Variants in CARD14 observed in about 807,000 individuals in gnomAD.
CARD14 encodes the protein caspase recruitment domain-containing protein 14.
CARD14 carries 107 observed loss-of-function variants against 111.5 expected under a neutral mutation model. The ratio of observed to expected loss-of-function variants is 0.96; its 90% CI spans 0.82 to 1.13. CARD14 has a LOEUF of 1.13. Among genes scored for constraint, CARD14 ranks in the 50% most tolerant of loss-of-function variants. The probability of loss-of-function intolerance (pLI) is 0.00; values close to 1 mark genes in which losing one functional copy is unlikely to be tolerated. For synonymous variants in CARD14, 617 were observed against 579.6 expected, an observed-to-expected ratio of 1.06 and a Z score of -0.93; for missense variants, 1,322 against 1,362.3, an observed-to-expected ratio of 0.97 and a Z score of 0.47.
At chr17:80,172,291 A>G (rs1188139481) in intron 1 of CARD14, among the ~76,000 whole-genome samples, 2 of 152,196 alleles carry the variant, frequency 1.3e-5, no homozygotes, top group African/African-American at 4.8e-5. Context: ...CCGAATGCCT[A>G]TTGAAGTAGA....
rs2040967399 is a variant in CARD14 at position 80,201,420 on chromosome 17, A to C, written c.1852-324A>C. 3.2e-6 allele frequency: 1 copy of C among 315,324 alleles called. No homozygotes were observed. Among genetic ancestry groups the C allele is most frequent in the East Asian group, 9.6e-5 (1 of 10,458 alleles). 19.5% of individuals were successfully genotyped at this position (315,324 alleles called of 1,614,324 possible). ...GAAACCTCTATCTAGAATGCTCTTGAATGTTCTAGAACCGAGGTTCTTTCT... is the reference window on the plus strand; with the variant it reads ...GAAACCTCTATCTAGAATGCTCTTGCATGTTCTAGAACCGAGGTTCTTTCT... On this transcript the variant is annotated intron_variant, in intron 16 of 23. Transcript: ENST00000648509. The surrounding 1 kb of genome is among the most constrained non-coding windows in gnomAD (Gnocchi z 5.0).
At chr17:80,183,828 C>CCACATGCT in intron 6 of CARD14, 85 bp from the exon 7 acceptor site, 2 of 1,140,436 alleles carry the variant, frequency 1.8e-6, no homozygotes, top group African/African-American at 3.2e-5. Context: ...GCTCACCTGC[C>CCACATGCT]CACCTGCTCA....
Position 80,181,657 on chromosome 17 carries a change from C to T in CARD14, c.211+8C>T. On this transcript the variant is annotated splice_region_variant and intron_variant, in intron 5 of 23. Coordinates refer to ENST00000648509, the MANE Select transcript of CARD14 (RefSeq NM_001366385.1). ...ACAGCGCCATGCGGGCCGGTGAGCG[C>T]AGCTCCCTCTTCCCCACCTCTTCCA... is the stretch of plus-strand genomic sequence containing the variant. 1 of 1,537,760 alleles carries T rather than the reference C, an allele frequency of 6.5e-7. No homozygotes were observed. The highest frequency in any genetic ancestry group is 8.8e-7 in the Non-Finnish European group (1 of 1,141,880).
In CARD14 at chr17:80,205,095, G is replaced by A. The variant is rs147954634; in HGVS notation, c.2459G>A (p.Arg820Gln). 20 of 1,613,302 alleles carry A rather than the reference G, an allele frequency of 1.2e-5. No homozygotes were observed. The highest frequency in any genetic ancestry group is 2.2e-5 in the South Asian group (2 of 91,048). ...CLTLVPYTLV[R>Q]PHRPARPRPV... ...ACCCTGGTGCCCTATACCCTGGTGCGGCCCCATCGACCCGCCCGGCCCCGG... is the reference window on the plus strand; with the variant it reads ...ACCCTGGTGCCCTATACCCTGGTGCAGCCCCATCGACCCGCCCGGCCCCGG... Residue 820 changes from arginine to glutamine, a missense_variant, in exon 21 of 24, where the codon CGG (arginine) becomes CAG (glutamine). Coordinates refer to ENST00000648509, the MANE Select transcript of CARD14 (RefSeq NM_001366385.1).
chr17:80,206,283 A>G (rs1490562989), intron 22 of CARD14, among the ~76,000 whole-genome samples: 1 of 152,192 alleles, frequency 6.6e-6, no homozygotes, highest in Non-Finnish European at 1.5e-5. Context: ...TGAGCAACAC[A>G]GTGAGACCCG....
chr17:80,173,601 G>A (rs913484400), intron 2 of CARD14, among the ~76,000 whole-genome samples: 4 of 150,120 alleles, frequency 2.7e-5, no homozygotes, highest in Middle Eastern at 3.5e-3. Context: ...ATCCAGATTC[G>A]GCATTTTTTT....
chr17:80,171,421 C>T (rs987738175), intron 1 of CARD14, among the ~76,000 whole-genome samples: 1 of 150,344 alleles, frequency 6.7e-6, no homozygotes, highest in African/African-American at 2.5e-5. Context: ...TGAGCTCAAG[C>T]AATCCTCCTG....
At chr17:80,175,647 C>T (rs374153556) in intron 2 of CARD14, among the ~76,000 whole-genome samples, 6 of 152,286 alleles carry the variant, frequency 3.9e-5, no homozygotes, top group South Asian at 4.1e-4. Flanking sequence ...GCCCAGAGCA[C>T]GTGCTCCTGC....
intron 9 of CARD14, 129 bp from the exon 10 acceptor site, chr17:80,190,645 G>T: frequency 2.1e-6 from 2 of 933,930 alleles, no homozygotes; most frequent in Non-Finnish European, 3.1e-6. Context: ...AGAGAGACGA[G>T]TGAGAATTGA....
chr17:80,203,959 G>A lies in CARD14; in HGVS notation c.2283+74G>A. The A allele has an allele frequency of 1.6e-6, 2 of 1,259,210 alleles. No individual in the cohort carries two copies. Among genetic ancestry groups the A allele is most frequent in the Non-Finnish European group, 2.2e-6 (2 of 892,012 alleles). The allele number at this position is 1,259,210 out of a possible 1,614,324, so 78.0% of individuals were successfully genotyped here. Reference sequence around the variant, plus strand: ...GGGGCTCGGTGCTGGCAGGGTGGCAGGAGGCACTGTGTGGAGAGTGGGCTG... The same window carrying A: ...GGGGCTCGGTGCTGGCAGGGTGGCAAGAGGCACTGTGTGGAGAGTGGGCTG... On this transcript the variant is annotated intron_variant, in intron 19 of 23. Transcript: ENST00000648509. The surrounding 1 kb of genome is among the most constrained non-coding windows in gnomAD (Gnocchi z 4.6).
At chr17:80,192,447 G>T in intron 11 of CARD14, 56 bp from the exon 12 acceptor site, 1 of 1,356,222 alleles carries the variant, frequency 7.4e-7, no homozygotes, top group Admixed American at 1.7e-5. Context: ...AACTCCACGG[G>T]CCTCAAAGCG....
In CARD14 at chr17:80,195,662, C is replaced by G. The variant is rs758274759; in HGVS notation, c.1594+10C>G. 6.2e-7 allele frequency: 1 copy of G among 1,607,608 alleles called. No homozygotes were observed. Among genetic ancestry groups the G allele is most frequent in the South Asian group, 1.1e-5 (1 of 90,138 alleles). On this transcript the variant is annotated intron_variant, in intron 14 of 23. Coordinates refer to ENST00000648509, the MANE Select transcript of CARD14 (RefSeq NM_001366385.1). This position sits in a 1 kb window ranked among gnomAD's most constrained non-coding sequence, Gnocchi z 4.7. ...CTCCTAGACACGGCAGGTGAGCACG[C>G]CCAACCCTGAACCTCCACAGCAGTC... is the stretch of plus-strand genomic sequence containing the variant.
At chr17:80,171,681 G>T (rs1483721702) in intron 1 of CARD14, among the ~76,000 whole-genome samples, 1 of 152,170 alleles carries the variant, frequency 6.6e-6, no homozygotes, top group Non-Finnish European at 1.5e-5. Context: ...GTGTGGCTCT[G>T]GGGGCTCCAG....
chr17:80,192,480 C>T, intron 11 of CARD14, 23 bp from the exon 12 acceptor site: 2 of 1,590,106 alleles, frequency 1.3e-6, no homozygotes, highest in African/African-American at 1.3e-5. Context: ...AATTAACCAG[C>T]CTGTCTGGCC....
intron 11 of CARD14, among the ~76,000 whole-genome samples, chr17:80,191,682 G>A (rs996577442): frequency 6.6e-6 from 1 of 152,216 alleles, no homozygotes; most frequent in Non-Finnish European, 1.5e-5. Context: ...GTGAAACCTC[G>A]AAGGTGCCCA....
chr17:80,184,240 TA>T lies in CARD14; in HGVS notation c.675+3del, dbSNP rs1257066959. 1 of 1,517,948 alleles carries T rather than the reference TA, an allele frequency of 6.6e-7. No individual in the cohort carries two copies. Among genetic ancestry groups the T allele is most frequent in the Non-Finnish European group, 8.9e-7 (1 of 1,128,144 alleles). The allele number at this position is 1,517,948 out of a possible 1,614,324, so 94.0% of individuals were successfully genotyped here. A position where few individuals can be genotyped will look rare whatever the true frequency, so the allele number is the denominator to read the frequency against. On this transcript the variant is annotated splice_donor_region_variant and intron_variant, in intron 7 of 23. Coordinates refer to ENST00000648509, the MANE Select transcript of CARD14 (RefSeq NM_001366385.1). ...CGCTGCCGCAGCCTGCAGGAGGAGG[TA>T]GGGGGACACCCTGCACCCCGGCGCG...
intron 7 of CARD14, chr17:80,187,935 C>T (rs1358605454): frequency 1.0e-6 from 1 of 986,040 alleles, no homozygotes; most frequent in African/African-American, 1.7e-5. Context: ...CACGTCTACC[C>T]CTCCGACCTG....
In CARD14 at chr17:80,188,585, T is replaced by C. The variant is rs569395465; in HGVS notation, c.843+41T>C. The C allele has an allele frequency of 2.1e-6, 3 of 1,419,100 alleles. No homozygotes were observed. The highest frequency in any genetic ancestry group is 2.8e-6 in the Non-Finnish European group (3 of 1,081,618). The allele number at this position is 1,419,100 out of a possible 1,614,324, so 87.9% of individuals were successfully genotyped here. A position where few individuals can be genotyped will look rare whatever the true frequency, so the allele number is the denominator to read the frequency against. On this transcript the variant is annotated intron_variant, in intron 8 of 23. Coordinates refer to ENST00000648509, the MANE Select transcript of CARD14 (RefSeq NM_001366385.1). The surrounding 1 kb of genome is among the most constrained non-coding windows in gnomAD (Gnocchi z 4.5). ...CGCAGCAGAGAGCGGCCTCCTGCCT[T>C]GGGGGCTTGGCCCTCAGGCTGTGGG...
Position 80,199,606 on chromosome 17 carries a change from C to T in CARD14, c.1851+1015C>T, listed in dbSNP as rs186610212. Among the ~76,000 whole-genome samples the T allele has an allele frequency of 8.6e-3, 1,183 of 137,872 alleles. 13 individuals are homozygous for T. Among genetic ancestry groups the T allele is most frequent in the African/African-American group, 0.03 (1,112 of 36,780 alleles). 90.4% of individuals were successfully genotyped at this position (137,872 alleles called of 152,430 possible). A position where few individuals can be genotyped will look rare whatever the true frequency, so the allele number is the denominator to read the frequency against. ...AGAAAAGAAAAAAAAAGGCCAGGCA[C>T]GGTGGCTTATGCCTGTAATCCCAGC... On this transcript the variant is annotated intron_variant, in intron 16 of 23. Transcript: ENST00000648509.
Sources: gnomAD v4.1 joint callset for allele counts (sites outside exome capture counted in the v4.1 genomes callset) on GRCh38, gnomAD v4.1.1 for gene constraint, Gnocchi (gnomAD v3.1) non-coding constraint, MANE v1.5 for transcripts, NCBI Gene and HGNC (gene_info 2026-07-23, HGNC 2026-07-21) for gene names.